The following EPB41L4B variants were observed in gnomAD, a reference collection of about 807,000 sequenced individuals.
The protein encoded by EPB41L4B is erythrocyte membrane protein band 4.1 like 4B.
In EPB41L4B, 30 loss-of-function variants were observed where a neutral mutation model predicts 112.5. That is an observed-to-expected ratio of 0.27 (90% CI 0.20 to 0.36). The LOEUF (loss-of-function observed/expected upper bound fraction) is 0.36, where lower values mean the gene tolerates loss of function less well. Ranked by LOEUF, EPB41L4B falls within the 10% of genes least tolerant of loss-of-function variation. The pLI, the probability that EPB41L4B is intolerant of heterozygous loss-of-function variation, is 1.00. For synonymous variants in EPB41L4B, 408 were observed against 439.7 expected (o/e 0.93, Z 0.90); for missense variants, 1,024 against 1,133.3 (o/e 0.90, Z 1.38).
chr9:109,275,827 T>C (rs961006679), intron 2 of EPB41L4B, among the ~76,000 whole-genome samples: 43 of 152,256 alleles, frequency 2.8e-4, no homozygotes, highest in Middle Eastern at 6.8e-3. Flanking sequence ...GCTGTGCTAT[T>C]CACTAAATGA....
intron 17 of EPB41L4B, among the ~76,000 whole-genome samples, chr9:109,211,525 G>A (rs1459293861): frequency 2.0e-5 from 3 of 150,448 alleles, no homozygotes; most frequent in African/African-American, 4.9e-5. Flanking sequence ...AACCCGGGAG[G>A]TGGAGGTTGC....
At chr9:109,298,313 C>CTTT (rs68012872) in intron 1 of EPB41L4B, among the ~76,000 whole-genome samples, 5,431 of 142,972 alleles carry the variant, frequency 0.038, 165 homozygotes, top group Admixed American at 0.097. Context: ...ATCATATATG[C>CTTT]TTTTTTTTTT....
chr9:109,251,566 C>T, intron 12 of EPB41L4B, 55 bp from the exon 13 acceptor site: 1 of 1,514,140 alleles, frequency 6.6e-7, no homozygotes. Flanking sequence ...TCGCTTTCAC[C>T]ATGCAATGAC....
At chr9:109,306,848 T>A (rs1291706166) in intron 1 of EPB41L4B, among the ~76,000 whole-genome samples, 1 of 152,252 alleles carries the variant, frequency 6.6e-6, no homozygotes, top group South Asian at 2.1e-4. Context: ...TGGAACACTA[T>A]ACAGAGCTGA....
intron 2 of EPB41L4B, among the ~76,000 whole-genome samples, chr9:109,275,313 G>A (rs1835773513): frequency 6.6e-6 from 1 of 152,172 alleles, no homozygotes; most frequent in Non-Finnish European, 1.5e-5. Flanking sequence ...TTGCTTGAAG[G>A]AGGCTCAATT....
chr9:109,175,952 C>T (rs994910053), intron 25 of EPB41L4B, among the ~76,000 whole-genome samples: 5 of 152,034 alleles, frequency 3.3e-5, no homozygotes, highest in African/African-American at 1.2e-4. Flanking sequence ...CTTTTCAGGG[C>T]TCTGCTTAAA....
chr9:109,305,814 C>G (rs545279270), intron 1 of EPB41L4B, among the ~76,000 whole-genome samples: 78 of 152,208 alleles, frequency 5.1e-4, no homozygotes, highest in South Asian at 1.9e-3. Flanking sequence ...ATTCCAGCTA[C>G]TTGGGAGGCT....
chr9:109,182,925 G>A (rs1203014115), intron 23 of EPB41L4B, 128 bp from the exon 24 acceptor site: 13 of 675,054 alleles, frequency 1.9e-5, no homozygotes, highest in South Asian at 5.1e-5. Context: ...TTCATCACTC[G>A]TGTAAGGGCA....
chr9:109,193,825 A>G (rs190259618), intron 21 of EPB41L4B, among the ~76,000 whole-genome samples: 127 of 152,368 alleles, frequency 8.3e-4, no homozygotes, highest in African/African-American at 3.0e-3. Context: ...GCTATATGAC[A>G]TAAGGGAAGG....
chr9:109,183,266 G>T (rs1357001788), intron 23 of EPB41L4B, among the ~76,000 whole-genome samples: 1 of 152,160 alleles, frequency 6.6e-6, no homozygotes, highest in Non-Finnish European at 1.5e-5. Context: ...GGTACAAGGC[G>T]GCTGGGCTAA....
chr9:109,267,204 G>C (rs1322726446), intron 4 of EPB41L4B, among the ~76,000 whole-genome samples: 1 of 152,204 alleles, frequency 6.6e-6, no homozygotes, highest in Non-Finnish European at 1.5e-5. Flanking sequence ...AAACGCCGCA[G>C]AGCAACCAAT....
At chr9:109,179,214 T>C (rs182760072) in intron 24 of EPB41L4B, among the ~76,000 whole-genome samples, 4 of 152,308 alleles carry the variant, frequency 2.6e-5, no homozygotes, top group Non-Finnish European at 5.9e-5. Context: ...AAGTAGAAAC[T>C]GGTTTTGGGA....
chr9:109,293,492 C>G (rs1392524632), intron 1 of EPB41L4B, among the ~76,000 whole-genome samples: 1 of 151,590 alleles, frequency 6.6e-6, no homozygotes, highest in Admixed American at 6.6e-5. Context: ...AAGTGATTCC[C>G]CTGCCTCAGC....
At chr9:109,219,732 T>C (rs1339445887) in intron 15 of EPB41L4B, among the ~76,000 whole-genome samples, 1 of 152,246 alleles carries the variant, frequency 6.6e-6, no homozygotes, top group East Asian at 1.9e-4. Flanking sequence ...TAATAACATA[T>C]ACTAAAACAT....
chr9:109,290,875 C>T (rs913077861), intron 1 of EPB41L4B, among the ~76,000 whole-genome samples: 3 of 151,956 alleles, frequency 2.0e-5, no homozygotes, highest in African/African-American at 4.8e-5. Flanking sequence ...ATCATAAATA[C>T]GAATATCTGA....
chr9:109,320,058 GC>G, intron 1 of EPB41L4B, 82 bp downstream of exon 1: 1 of 1,173,760 alleles, frequency 8.5e-7, no homozygotes, highest in Non-Finnish European at 1.1e-6. Context: ...CAAGGGAAGC[GC>G]CCCCGATGCA....
chr9:109,231,996 GTTTC>G (rs1479977779), intron 15 of EPB41L4B, among the ~76,000 whole-genome samples: 2 of 151,382 alleles, frequency 1.3e-5, no homozygotes, highest in Non-Finnish European at 2.9e-5. Flanking sequence ...TCCATTCTGG[GTTTC>G]TTTTTTTTTT....
chr9:109,304,888 G>T (rs1213108032), intron 1 of EPB41L4B, among the ~76,000 whole-genome samples: 1 of 152,152 alleles, frequency 6.6e-6, no homozygotes, highest in Non-Finnish European at 1.5e-5. Flanking sequence ...TAGGAACAGG[G>T]GAGGAATGAC....
chr9:109,288,377 G>A (rs949397778), intron 1 of EPB41L4B, among the ~76,000 whole-genome samples: 1 of 152,034 alleles, frequency 6.6e-6, no homozygotes, highest in Non-Finnish European at 1.5e-5. Flanking sequence ...GAGTCCAGGA[G>A]TTCCAGACCA....
Sources: allele counts gnomAD v4.1 joint callset (sites outside exome capture counted in the v4.1 genomes callset), GRCh38; gene constraint gnomAD v4.1.1; transcripts MANE v1.5; gene names NCBI Gene and HGNC (gene_info 2026-07-23, HGNC 2026-07-21).